C7: variants seen among roughly 807,000 people sequenced by gnomAD.
The protein encoded by C7 is complement C7, also known as complement component C7.
A neutral mutation model predicts 104.8 loss-of-function variants in C7; 83 were observed. That is an observed-to-expected ratio of 0.79 (90% confidence interval 0.66 to 0.95). The LOEUF (loss-of-function observed/expected upper bound fraction) is 0.95. C7 is among the 40% of genes least tolerant of loss of function. C7 has a pLI of 0.00. For synonymous variants in C7, 415 were observed against 360.6 expected (o/e 1.15, Z -1.71); for missense variants, 1,070 against 1,011.2 (o/e 1.06, Z -0.79).
At chr5:40,925,515 C>T (rs1739533095) in intron 1 of C7, among the ~76,000 whole-genome samples, 1 of 152,306 alleles carries the variant, frequency 6.6e-6, no homozygotes, top group South Asian at 2.1e-4. Context: ...CCAAACTTTT[C>T]AAACCTCTGC....
intron 1 of C7, among the ~76,000 whole-genome samples, chr5:40,926,735 T>C (rs957112505): frequency 6.6e-6 from 1 of 152,110 alleles, no homozygotes; most frequent in East Asian, 1.9e-4. Context: ...TTATGAAACA[T>C]TGATGAGAAA....
rs751497338 is a variant in C7, at chr5:40,976,836, T to C, written c.2161T>C (p.Cys721Arg). ...SRCVCKMPYE[C>R]GPSLDVCAQD... is the part of the protein sequence containing the mutation. Reference sequence around the variant, plus strand: ...ATGTGTTTGTAAAATGCCCTACGAATGTGGGTAAGTGCCGCCTTTGCTCAT... The same window carrying C: ...ATGTGTTTGTAAAATGCCCTACGAACGTGGGTAAGTGCCGCCTTTGCTCAT... Residue 721 changes from cysteine to arginine, a missense_variant, in exon 16 of 18, where the codon TGT (cysteine) becomes CGT (arginine). Coordinates refer to ENST00000313164, the MANE Select transcript of C7 (RefSeq NM_000587.4). 1.9e-6 allele frequency: 3 copies of C among 1,598,580 alleles called. No individual in the cohort carries two copies. The highest frequency in any genetic ancestry group is 2.2e-5 in the East Asian group (1 of 44,564).
intron 1 of C7, chr5:40,911,269 T>A (rs551669557): frequency 6.6e-6 from 1 of 152,244 alleles, no homozygotes; most frequent in Non-Finnish European, 1.5e-5. Flanking sequence ...CCTTGGGCTA[T>A]CAAGAAGCTA....
Position 40,965,244 on chromosome 5 carries a change from G to T in C7, c.1882+371G>T, listed in dbSNP as rs191163487. ...CTGTTCTGTTTGGATAGAGGCATCT[G>T]AATAACAGCATCTGCATGCTGCACC... On this transcript the variant is annotated intron_variant, in intron 14 of 17. Coordinates refer to ENST00000313164, the MANE Select transcript of C7 (RefSeq NM_000587.4). 4.4e-3 allele frequency among the ~76,000 whole-genome samples: 677 copies of T among 152,302 alleles called. 3 individuals carry two copies. The highest frequency in any genetic ancestry group is 6.3e-3 in the Non-Finnish European group (427 of 68,032).
intron 7 of C7, among the ~76,000 whole-genome samples, chr5:40,947,371 C>A (rs996231168): frequency 1.3e-5 from 2 of 151,900 alleles, no homozygotes; most frequent in South Asian, 4.2e-4. Context: ...TAGGAGTGAG[C>A]CACCTTGCCT....
chr5:40,963,830 A>G (rs1740473696), intron 13 of C7, among the ~76,000 whole-genome samples: 1 of 152,130 alleles, frequency 6.6e-6, no homozygotes, highest in South Asian at 2.1e-4. Context: ...CAGCCCCAGC[A>G]GCATTCCATA....
At chr5:40,977,217 A>G (rs561560554) in intron 16 of C7, among the ~76,000 whole-genome samples, 57 of 152,364 alleles carry the variant, frequency 3.7e-4, no homozygotes, top group Non-Finnish European at 8.8e-5. Flanking sequence ...GGGAAACAGC[A>G]GCTGCTTTTG....
At chr5:40,961,066 A>T (rs888486402) in intron 12 of C7, among the ~76,000 whole-genome samples, 4 of 152,176 alleles carry the variant, frequency 2.6e-5, no homozygotes, top group Non-Finnish European at 4.4e-5. Context: ...TCAGTTATAC[A>T]CGTTCAGAAA....
At chr5:40,953,499 G>C (rs1333759821) in intron 9 of C7, among the ~76,000 whole-genome samples, 1 of 152,030 alleles carries the variant, frequency 6.6e-6, no homozygotes, top group Non-Finnish European at 1.5e-5. Context: ...AAATTAGCTG[G>C]GTGTGGTGGC....
intron 1 of C7, among the ~76,000 whole-genome samples, chr5:40,910,376 G>A (rs983753209): frequency 2.0e-5 from 3 of 152,088 alleles, no homozygotes; most frequent in Non-Finnish European, 4.4e-5. Context: ...TAAGACTGTA[G>A]GAATAATTTC....
chr5:40,939,689 T>C (rs1016349278), intron 6 of C7, among the ~76,000 whole-genome samples: 4 of 152,206 alleles, frequency 2.6e-5, no homozygotes, highest in African/African-American at 9.6e-5. Flanking sequence ...TTCATAATTA[T>C]AATGTGGAGA....
intron 2 of C7, among the ~76,000 whole-genome samples, chr5:40,930,499 C>A (rs545520211): frequency 0.017 from 2,535 of 151,572 alleles, 78 homozygotes; most frequent in African/African-American, 0.058. Context: ...AGCAACCATA[C>A]CCGGCCAATG....
Position 40,949,928 on chromosome 5 carries a change from A to C in C7, c.1007A>C (p.Lys336Thr). The change falls in exon 9 of 18, where the codon AAA becomes ACA. Residue 336 changes from lysine (K) to threonine (T), a missense_variant. Lys to Thr is a moderately conservative substitution (Grantham distance 78). Transcript: ENST00000313164. ...QNDFNSVEEK[K>T]CKSSGWHFVV... is the part of the protein sequence containing the mutation. The stretch of plus-strand genomic sequence containing the variant: ...GATTTTAATTCAGTCGAAGAAAAGA[A>C]ATGTAAATCCTCAGGTTGGCATTTT... 1 of 1,594,700 alleles carries C rather than the reference A, an allele frequency of 6.3e-7. No individual in the cohort carries two copies. Among genetic ancestry groups the C allele is most frequent in the South Asian group, 1.1e-5 (1 of 87,880 alleles).
At position 40,928,643 on chromosome 5, in the gene C7, C is replaced by CT; in HGVS notation, c.62+13dup. 1 of 1,523,184 alleles carries CT rather than the reference C, an allele frequency of 6.6e-7. No individual in the cohort carries two copies. Among genetic ancestry groups the CT allele is most frequent in the Non-Finnish European group, 8.9e-7 (1 of 1,122,090 alleles). 94.4% of individuals were successfully genotyped at this position (1,523,184 alleles called of 1,614,324 possible). A position where few individuals can be genotyped will look rare whatever the true frequency, so the allele number is the denominator to read the frequency against. On this transcript the variant is annotated intron_variant, in intron 2 of 17. Coordinates refer to ENST00000313164, the MANE Select transcript of C7 (RefSeq NM_000587.4). ...GTTCCAAAGTTTTTCAAGGTGAGGA[C>CT]TTTTTGGGTTGTGTGTAAAAATCAT...
intron 1 of C7, among the ~76,000 whole-genome samples, chr5:40,927,805 G>A (rs372513920): frequency 5.9e-5 from 9 of 152,092 alleles, no homozygotes; most frequent in African/African-American, 2.2e-4. Flanking sequence ...GCATTGGTAT[G>A]GATGTGGAAA....
At chr5:40,942,817 T>G (rs931455142) in intron 6 of C7, among the ~76,000 whole-genome samples, 3 of 151,074 alleles carry the variant, frequency 2.0e-5, no homozygotes, top group African/African-American at 4.9e-5. Context: ...CAGGCTGGAG[T>G]GCAGTGGCGT....
At chr5:40,935,463 G>T (rs1220433522) in intron 4 of C7, among the ~76,000 whole-genome samples, 2 of 152,184 alleles carry the variant, frequency 1.3e-5, no homozygotes, top group Non-Finnish European at 2.9e-5. Context: ...ATCCTATGAG[G>T]ACATAGAGGA....
At chr5:40,945,405 AC>A (rs368559567) in intron 7 of C7, 37 bp downstream of exon 7, 4 of 1,455,250 alleles carry the variant, frequency 2.7e-6, no homozygotes, top group South Asian at 2.6e-5. Context: ...TCCATGTTTT[AC>A]TTTTTTAAGT....
chr5:40,923,098 T>C (rs985873772), intron 1 of C7, among the ~76,000 whole-genome samples: 1 of 152,074 alleles, frequency 6.6e-6, no homozygotes, highest in Admixed American at 6.6e-5. Context: ...AGAATCAAAA[T>C]GTAAAGGGAA....
Sources: allele counts gnomAD v4.1 joint callset (sites outside exome capture counted in the v4.1 genomes callset), GRCh38; gene constraint gnomAD v4.1.1; transcripts MANE v1.5; gene names NCBI Gene and HGNC (gene_info 2026-07-23, HGNC 2026-07-21).